Variants in C21orf91 observed in about 807,000 individuals in gnomAD.
The protein encoded by C21orf91 is protein EURL homolog.
A neutral mutation model predicts 32.9 loss-of-function variants in C21orf91; 26 were observed. The observed-to-expected ratio is 0.79, with a 90% CI of 0.58 to 1.10. The LOEUF is 1.10. Ranked by LOEUF, C21orf91 falls within the 50% of genes least tolerant of loss-of-function variation. The pLI, the probability that C21orf91 is intolerant of heterozygous loss-of-function variation, is 0.00. For missense variants in C21orf91, 310 were observed against 341.3 expected (o/e 0.91, Z 0.72); for synonymous variants, 126 against 120.4 (o/e 1.05, Z -0.31).
Position 17,791,907 on chromosome 21 carries a change from A to G in C21orf91, c.*1508T>C, listed in dbSNP as rs576595957. ...TACCCTCAGGCCAATTTAACACGTCAGCATTACAAAAAGTTGTTTTCAATT... is the reference window on the plus strand; with the variant it reads ...TACCCTCAGGCCAATTTAACACGTCGGCATTACAAAAAGTTGTTTTCAATT... On this transcript the variant is annotated 3_prime_UTR_variant, in exon 5 of 5. Transcript: ENST00000284881. 3 of 152,306 alleles carry G rather than the reference A, an allele frequency of 2.0e-5. No homozygotes were observed. Among genetic ancestry groups the G allele is most frequent in the Admixed American group, 6.5e-5 (1 of 15,304 alleles). 9.4% of individuals were successfully genotyped at this position (152,306 alleles called of 1,614,324 possible).
chr21:17,798,855 C>G (rs1037364369), intron 2 of C21orf91, among the ~76,000 whole-genome samples: 7 of 152,172 alleles, frequency 4.6e-5, no homozygotes, highest in Non-Finnish European at 1.0e-4. Context: ...AAAAATGGTT[C>G]CATTCTGCTA....
chr21:17,793,486 T>C lies in C21orf91; in HGVS notation c.823A>G (p.Asn275Asp), dbSNP rs773159450. The C allele has an allele frequency of 1.9e-6, 3 of 1,613,666 alleles. No homozygotes were observed. The highest frequency in any genetic ancestry group is 3.3e-5 in the Admixed American group (2 of 59,942). Residue 275 changes from asparagine to aspartate, a missense_variant, in exon 5 of 5, where the codon AAC (asparagine) becomes GAC (aspartate). Asn to Asp is a conservative substitution (Grantham distance 23). Transcript: ENST00000284881. Reference sequence around the variant, plus strand: ...TGCAGACATGGTAACTTAGAACAGTTCTTCAGAAGCTGTTCGATGGCAACG... The same window carrying C: ...TGCAGACATGGTAACTTAGAACAGTCCTTCAGAAGCTGTTCGATGGCAACG... ...RHVAIEQLLK[N>D]CSKLPCLQVG...
chr21:17,808,162 C>T (rs1199014698), intron 2 of C21orf91, among the ~76,000 whole-genome samples: 1 of 152,250 alleles, frequency 6.6e-6, no homozygotes, highest in Non-Finnish European at 1.5e-5. Flanking sequence ...CTGCCCTGCG[C>T]AACCTTGAGA....
chr21:17,807,207 T>G lies in C21orf91; in HGVS notation c.128-10089A>C, dbSNP rs576087984. Among the ~76,000 whole-genome samples the G allele has an allele frequency of 3.3e-5, 5 of 152,252 alleles. No individual in the cohort carries two copies. The South Asian group carries it at 1.0e-3, about 32-fold the overall frequency. ...GTTGGAGGAGGGCGCTGGTAGGAGG[T>G]AACTGGATCATGGGAGCAAACTTCC... On this transcript the variant is annotated intron_variant, in intron 2 of 4. Transcript: ENST00000284881.
chr21:17,798,316 C>T (rs894061181), intron 2 of C21orf91, among the ~76,000 whole-genome samples: 3 of 152,120 alleles, frequency 2.0e-5, no homozygotes, highest in African/African-American at 7.2e-5. Context: ...AAAGTATTAG[C>T]ATACTTGTGA....
rs564321282 is a variant in C21orf91 at position 17,813,017 on chromosome 21, A to C, written c.127+5175T>G. Among the ~76,000 whole-genome samples, 43 of 152,296 alleles carry C rather than the reference A, an allele frequency of 2.8e-4. No individual in the cohort carries two copies. The Middle Eastern group carries it at 0.014, about 48-fold the overall frequency. ...TCAGCTATTCTGTTATAGCAGCTCAAAATAGACTAAGATAAGTATATTAAA... is the reference window on the plus strand; with the variant it reads ...TCAGCTATTCTGTTATAGCAGCTCACAATAGACTAAGATAAGTATATTAAA... On this transcript the variant is annotated intron_variant, in intron 2 of 4. Transcript: ENST00000284881.
At chr21:17,807,288 G>C (rs991488979) in intron 2 of C21orf91, among the ~76,000 whole-genome samples, 34 of 152,080 alleles carry the variant, frequency 2.2e-4, no homozygotes, top group African/African-American at 8.2e-4. Flanking sequence ...TTAAAAGTGT[G>C]TAACACCTCC....
In C21orf91 at chr21:17,791,204, CA is replaced by C. The variant is rs2062471040; in HGVS notation, c.*2210del. On this transcript the variant is annotated 3_prime_UTR_variant, in exon 5 of 5. Transcript: ENST00000284881. Reference sequence around the variant, plus strand: ...TAAACTGCTGTGCAAAATACTTCAACAAAAAGTTTTTTTTACTAGGAACTCA... The same window carrying C: ...TAAACTGCTGTGCAAAATACTTCAACAAAAGTTTTTTTTACTAGGAACTCA... The C allele has an allele frequency of 6.6e-6, 1 of 152,046 alleles. No individual in the cohort carries two copies. Among genetic ancestry groups the C allele is most frequent in the African/African-American group, 2.4e-5 (1 of 41,406 alleles). The allele number at this position is 152,046 out of a possible 1,614,324, so 9.4% of individuals were successfully genotyped here. A position where few individuals can be genotyped will look rare whatever the true frequency, so the allele number is the denominator to read the frequency against.
At chr21:17,806,938 G>A (rs547804311) in intron 2 of C21orf91, among the ~76,000 whole-genome samples, 7 of 151,986 alleles carry the variant, frequency 4.6e-5, no homozygotes, top group Admixed American at 4.6e-4. Flanking sequence ...AAATTAAGCT[G>A]GTCTATATTC....
chr21:17,800,852 G>A (rs777368774), intron 2 of C21orf91, among the ~76,000 whole-genome samples: 48 of 151,998 alleles, frequency 3.2e-4, no homozygotes, highest in South Asian at 4.1e-4. Flanking sequence ...ACCTTAATTG[G>A]CAACCAAAAG....
In C21orf91 at chr21:17,793,348, C is replaced by A; in HGVS notation, c.*67G>T. 2.4e-6 allele frequency: 3 copies of A among 1,271,930 alleles called. No homozygotes were observed. Among genetic ancestry groups the A allele is most frequent in the Non-Finnish European group, 3.2e-6 (3 of 942,640 alleles). 78.8% of individuals were successfully genotyped at this position (1,271,930 alleles called of 1,614,324 possible). A position where few individuals can be genotyped will look rare whatever the true frequency, so the allele number is the denominator to read the frequency against. On this transcript the variant is annotated 3_prime_UTR_variant, in exon 5 of 5. Transcript: ENST00000284881. ...AAAACGGACCACAACTTTCTTCAAA[C>A]TTCTTCAAAGTTTGCATGTCTGGGA...
chr21:17,793,684 C>T, intron 4 of C21orf91, 103 bp from the exon 5 acceptor site: 1 of 700,294 alleles, frequency 1.4e-6, no homozygotes. Context: ...GGCAAAGTGT[C>T]ACAATGAAAC....
At chr21:17,795,860 T>C (rs1179691221) in intron 3 of C21orf91, among the ~76,000 whole-genome samples, 4 of 152,196 alleles carry the variant, frequency 2.6e-5, no homozygotes, top group Admixed American at 1.3e-4. Flanking sequence ...GTCCAATGAA[T>C]TCTGGTATCT....
At chr21:17,817,416 T>C (rs921931890) in intron 2 of C21orf91, among the ~76,000 whole-genome samples, 3 of 152,242 alleles carry the variant, frequency 2.0e-5, no homozygotes, top group African/African-American at 4.8e-5. Flanking sequence ...GTCCAAAATC[T>C]AGAGGTTTAA....
intron 2 of C21orf91, 105 bp downstream of exon 2, chr21:17,818,087 G>T: frequency 1.3e-6 from 1 of 774,454 alleles, no homozygotes; most frequent in Non-Finnish European, 2.1e-6. Context: ...TTCATACTTA[G>T]CACAATTTCC....
At position 17,796,746 on chromosome 21, in the gene C21orf91, T is replaced by G; in HGVS notation, c.500A>C (p.Asn167Thr). ...TAACATAGAAAGTCCAAAGTCTGTA[T>G]TTTCCCTCTGCTCCAAAATTCTTTG... is the stretch of plus-strand genomic sequence containing the variant. ...CTQRILEQRENTDFGLSMLQD... is the reference protein window; with the variant it reads ...CTQRILEQRETTDFGLSMLQD... Residue 167 changes from asparagine to threonine, a missense_variant, in exon 3 of 5, where the codon AAT (asparagine) becomes ACT (threonine). Coordinates refer to ENST00000284881, the MANE Select transcript of C21orf91 (RefSeq NM_001100420.2). 1 of 1,614,180 alleles carries G rather than the reference T, an allele frequency of 6.2e-7. No individual in the cohort carries two copies. Among genetic ancestry groups the G allele is most frequent in the Non-Finnish European group, 8.5e-7 (1 of 1,180,008 alleles).
chr21:17,792,871 A>G lies in C21orf91; in HGVS notation c.*544T>C, dbSNP rs1160253468. 7 of 152,628 alleles carry G rather than the reference A, an allele frequency of 4.6e-5. No homozygotes were observed. The highest frequency in any genetic ancestry group is 1.7e-4 in the African/African-American group (7 of 41,462). The allele number at this position is 152,628 out of a possible 1,614,324, so 9.5% of individuals were successfully genotyped here. Reference sequence around the variant, plus strand: ...CGTTGTGAAAACATTGTATTAAGAGAATAAAATGCAGTGACCTGAAATATG... The same window carrying G: ...CGTTGTGAAAACATTGTATTAAGAGGATAAAATGCAGTGACCTGAAATATG... On this transcript the variant is annotated 3_prime_UTR_variant, in exon 5 of 5. Coordinates refer to ENST00000284881, the MANE Select transcript of C21orf91 (RefSeq NM_001100420.2).
chr21:17,817,281 TC>T (rs1353279882), intron 2 of C21orf91, among the ~76,000 whole-genome samples: 2 of 152,014 alleles, frequency 1.3e-5, no homozygotes, highest in Non-Finnish European at 2.9e-5. Context: ...AGGTATATAA[TC>T]CCCCACTATA....
chr21:17,813,398 ATT>A, intron 2 of C21orf91, among the ~76,000 whole-genome samples: 1 of 152,370 alleles, frequency 6.6e-6, no homozygotes, highest in Admixed American at 6.5e-5. Context: ...GAACAGTAAG[ATT>A]AAACATAGAC....
Sources: allele counts gnomAD v4.1 joint callset (sites outside exome capture counted in the v4.1 genomes callset), GRCh38; gene constraint gnomAD v4.1.1; transcripts MANE v1.5; gene names NCBI Gene and HGNC (gene_info 2026-07-23, HGNC 2026-07-21).